Variants in ZFPM2 observed in about 807,000 individuals in gnomAD.
ZFPM2 encodes the protein zinc finger protein, FOG family member 2, also known as zinc finger protein ZFPM2.
Under a neutral mutation model 98.6 loss-of-function variants are expected in ZFPM2, and 20 were observed. That is an observed-to-expected ratio of 0.20 (90% CI 0.14 to 0.29). ZFPM2 has a LOEUF of 0.29. ZFPM2 is among the 10% of genes least tolerant of loss of function. The pLI is 1.00. For synonymous variants in ZFPM2, 518 were observed against 502.7 expected (o/e 1.03, Z -0.41); for missense variants, 1,310 against 1,388.6 (o/e 0.94, Z 0.90).
chr8:105,675,929 C>G (rs1252215193), intron 5 of ZFPM2: 1 of 152,110 alleles, frequency 6.6e-6, no homozygotes, highest in East Asian at 1.9e-4. Flanking sequence ...TTTTCAAAGT[C>G]ACACAGTTAG....
intron 5 of ZFPM2, among the ~76,000 whole-genome samples, chr8:105,709,280 T>C (rs111648823): frequency 1.3e-5 from 2 of 152,338 alleles, no homozygotes; most frequent in African/African-American, 4.8e-5. Flanking sequence ...AATCTTCAAA[T>C]ATAAACTCAT....
intron 5 of ZFPM2, among the ~76,000 whole-genome samples, chr8:105,773,503 T>C (rs1813029185): frequency 6.6e-6 from 1 of 151,992 alleles, no homozygotes; most frequent in Non-Finnish European, 1.5e-5. Context: ...AAATAGTTTT[T>C]AAAAATAAAA....
intron 1 of ZFPM2, among the ~76,000 whole-genome samples, chr8:105,393,982 T>C (rs1586340747): frequency 1.3e-5 from 2 of 151,064 alleles, no homozygotes; most frequent in African/African-American, 4.9e-5. Context: ...CAAGCTCCGC[T>C]TCCTGGGTTC....
At chr8:105,782,028 C>G (rs776318181) in intron 5 of ZFPM2, among the ~76,000 whole-genome samples, 5 of 152,142 alleles carry the variant, frequency 3.3e-5, no homozygotes, top group Non-Finnish European at 7.3e-5. Flanking sequence ...TTCTCCTCCT[C>G]CAGTTCCCCT....
At chr8:105,746,405 G>A (rs1469693746) in intron 5 of ZFPM2, among the ~76,000 whole-genome samples, 2 of 151,942 alleles carry the variant, frequency 1.3e-5, no homozygotes. Context: ...AAATTTGATT[G>A]TTTCAATTGG....
chr8:105,413,786 A>G (rs1811627088), intron 1 of ZFPM2, among the ~76,000 whole-genome samples: 1 of 151,790 alleles, frequency 6.6e-6, no homozygotes, highest in Admixed American at 6.6e-5. Context: ...GCACAAGTAA[A>G]ATGACATAAA....
rs1263786137 is a variant in ZFPM2, at chr8:105,516,420, GATAA to G, written c.302-44939_302-44936del. Among the ~76,000 whole-genome samples the G allele has an allele frequency of 2.6e-4, 16 of 60,910 alleles. No individual in the cohort carries two copies. In the African/African-American group the frequency reaches 4.2e-3, roughly 16 times the overall value. 40.0% of individuals were successfully genotyped at this position (60,910 alleles called of 152,430 possible). A position where few individuals can be genotyped will look rare whatever the true frequency, so the allele number is the denominator to read the frequency against. ...AAAAGGAATGCAAGCAATGTTATAA[GATAA>G]ATATATTTGGGGATAATTAGTATTT... On this transcript the variant is annotated intron_variant, in intron 3 of 7. Coordinates refer to ENST00000407775, the MANE Select transcript of ZFPM2 (RefSeq NM_012082.4).
chr8:105,789,936 G>GT (rs1168102579), intron 6 of ZFPM2, among the ~76,000 whole-genome samples: 6 of 150,866 alleles, frequency 4.0e-5, no homozygotes, highest in Non-Finnish European at 8.9e-5. Context: ...GGGGTTGTTT[G>GT]TTTTTTTCTT....
intron 5 of ZFPM2, among the ~76,000 whole-genome samples, chr8:105,654,618 C>T (rs1315733486): frequency 6.6e-6 from 1 of 151,940 alleles, no homozygotes; most frequent in Non-Finnish European, 1.5e-5. Context: ...ATCCTAGCAA[C>T]TGTTACTGCT....
chr8:105,646,961 A>AT (rs1817060315), intron 5 of ZFPM2, among the ~76,000 whole-genome samples: 2 of 152,128 alleles, frequency 1.3e-5, no homozygotes, highest in Admixed American at 1.3e-4. Context: ...TGGGAAAGGG[A>AT]TGTAACCTAG....
chr8:105,358,296 C>T (rs916601910), intron 1 of ZFPM2, among the ~76,000 whole-genome samples: 2 of 151,702 alleles, frequency 1.3e-5, no homozygotes, highest in Admixed American at 1.3e-4. Context: ...CTCTGTCGCC[C>T]AGGCTGGAGT....
At chr8:105,618,987 T>G (rs1480940260) in intron 4 of ZFPM2, among the ~76,000 whole-genome samples, 1 of 152,162 alleles carries the variant, frequency 6.6e-6, no homozygotes, top group Admixed American at 6.6e-5. Flanking sequence ...ATTAAATGAA[T>G]ATATATTAAA....
At chr8:105,345,089 A>G (rs2129681432) in intron 1 of ZFPM2, among the ~76,000 whole-genome samples, 2 of 152,292 alleles carry the variant, frequency 1.3e-5, no homozygotes, top group South Asian at 4.1e-4. Flanking sequence ...TAGACAAGTA[A>G]TGTATATATG....
intron 5 of ZFPM2, among the ~76,000 whole-genome samples, chr8:105,675,174 A>T (rs1810416536): frequency 6.6e-6 from 1 of 152,142 alleles, no homozygotes; most frequent in Non-Finnish European, 1.5e-5. Context: ...GGTGCTCAAA[A>T]AATGTTTACT....
At chr8:105,671,814 C>A (rs569715704) in intron 5 of ZFPM2, among the ~76,000 whole-genome samples, 2 of 152,144 alleles carry the variant, frequency 1.3e-5, no homozygotes, top group African/African-American at 4.8e-5. Flanking sequence ...TAGCAGTGGT[C>A]ACTATCATCT....
intron 4 of ZFPM2, among the ~76,000 whole-genome samples, chr8:105,597,610 A>G (rs769302043): frequency 5.3e-5 from 8 of 151,918 alleles, no homozygotes; most frequent in Non-Finnish European, 1.2e-4. Context: ...TTTTCTTTGC[A>G]TTGTTTTTCA....
intron 5 of ZFPM2, among the ~76,000 whole-genome samples, chr8:105,777,686 A>T (rs1190674374): frequency 1.3e-5 from 2 of 152,210 alleles, no homozygotes; most frequent in Non-Finnish European, 2.9e-5. Context: ...TATTGTGCAG[A>T]TCTTTATCAA....
At position 105,477,935 on chromosome 8, in the gene ZFPM2, A is replaced by T. The variant is rs533239348; in HGVS notation, c.301+33554A>T. 1.3e-5 allele frequency among the ~76,000 whole-genome samples: 2 copies of T among 152,266 alleles called. 1 individual carries two copies. Among genetic ancestry groups the T allele is most frequent in the East Asian group, 3.9e-4 (2 of 5,182 alleles). On this transcript the variant is annotated intron_variant, in intron 3 of 7. Transcript: ENST00000407775. Reference sequence around the variant, plus strand: ...TTTCTGCTTCAGATCACTCAGGATTAAGGGTTGTATTCATCACTTTTTTCC... The same window carrying T: ...TTTCTGCTTCAGATCACTCAGGATTTAGGGTTGTATTCATCACTTTTTTCC...
intron 5 of ZFPM2, among the ~76,000 whole-genome samples, chr8:105,692,099 A>T (rs952200050): frequency 1.3e-5 from 2 of 152,226 alleles, no homozygotes; most frequent in African/African-American, 4.8e-5. Flanking sequence ...TCATGAATCT[A>T]CTATGAACAT....
Sources: allele counts gnomAD v4.1 joint callset (sites outside exome capture counted in the v4.1 genomes callset), GRCh38; gene constraint gnomAD v4.1.1; transcripts MANE v1.5; gene names NCBI Gene and HGNC (gene_info 2026-07-23, HGNC 2026-07-21).